Variants in FAM13C observed in about 807,000 individuals in gnomAD.
FAM13C encodes family with sequence similarity 13 member C.
In FAM13C, 37 loss-of-function variants were observed where a neutral mutation model predicts 73.2. The ratio of observed to expected loss-of-function variants is 0.51; its 90% CI spans 0.39 to 0.67. FAM13C has a LOEUF of 0.67. Ranked by LOEUF, FAM13C falls within the 30% of genes least tolerant of loss-of-function variation. The pLI is 0.00. For synonymous variants in FAM13C, 246 were observed against 260.9 expected (o/e 0.94, Z 0.55); for missense variants, 589 against 715.6 (o/e 0.82, Z 2.02).
At chr10:59,273,689 A>C (rs1843981702) in intron 6 of FAM13C, among the ~76,000 whole-genome samples, 1 of 152,108 alleles carries the variant, frequency 6.6e-6, no homozygotes, top group Non-Finnish European at 1.5e-5. Flanking sequence ...GACATAGAGG[A>C]TGCCACATCT....
intron 6 of FAM13C, among the ~76,000 whole-genome samples, chr10:59,280,901 T>C (rs1180618565): frequency 6.6e-6 from 1 of 152,226 alleles, no homozygotes; most frequent in Non-Finnish European, 1.5e-5. Flanking sequence ...TTTGAATGTT[T>C]GCTATTTATG....
chr10:59,322,159 C>T (rs1850393032), intron 4 of FAM13C, among the ~76,000 whole-genome samples: 1 of 152,156 alleles, frequency 6.6e-6, no homozygotes, highest in African/African-American at 2.4e-5. Flanking sequence ...GATCTCATTT[C>T]ACTAGTTCAT....
At chr10:59,290,554 C>A (rs138123741) in intron 5 of FAM13C, among the ~76,000 whole-genome samples, 1 of 152,328 alleles carries the variant, frequency 6.6e-6, no homozygotes, top group East Asian at 1.9e-4. Flanking sequence ...TCTCTGCCCC[C>A]TCCTCCTCAG....
At chr10:59,322,068 CT>C (rs1850381696) in intron 4 of FAM13C, among the ~76,000 whole-genome samples, 1 of 152,132 alleles carries the variant, frequency 6.6e-6, no homozygotes, top group African/African-American at 2.4e-5. Flanking sequence ...ATGTCCAAAC[CT>C]GGCCAGACGC....
At chr10:59,287,901 A>C (rs1217091496) in intron 5 of FAM13C, among the ~76,000 whole-genome samples, 1 of 152,170 alleles carries the variant, frequency 6.6e-6, no homozygotes, top group Non-Finnish European at 1.5e-5. Context: ...TTGACTCATC[A>C]CTTTACCCCC....
chr10:59,345,457 C>A (rs1854180665), intron 3 of FAM13C, among the ~76,000 whole-genome samples: 2 of 152,190 alleles, frequency 1.3e-5, no homozygotes, highest in Admixed American at 6.5e-5. Context: ...TTTTAAGATT[C>A]CTTCATGTCA....
intron 4 of FAM13C, among the ~76,000 whole-genome samples, chr10:59,322,931 T>C (rs1435616556): frequency 6.6e-6 from 1 of 152,186 alleles, no homozygotes; most frequent in Non-Finnish European, 1.5e-5. Context: ...GAAGTCAGCT[T>C]GTGAAGAGGG....
chr10:59,256,231 A>G (rs1219030391), intron 10 of FAM13C, among the ~76,000 whole-genome samples: 1 of 152,242 alleles, frequency 6.6e-6, no homozygotes, highest in Non-Finnish European at 1.5e-5. Context: ...TTCAGAAAAC[A>G]TTGAAATAGT....
At chr10:59,353,571 A>G (rs1042736728) in intron 2 of FAM13C, among the ~76,000 whole-genome samples, 1 of 152,176 alleles carries the variant, frequency 6.6e-6, no homozygotes, top group Non-Finnish European at 1.5e-5. Context: ...AAAGCCAAGA[A>G]GCAAGACCAG....
chr10:59,304,506 G>A (rs987417497), intron 4 of FAM13C, among the ~76,000 whole-genome samples: 13 of 151,880 alleles, frequency 8.6e-5, no homozygotes, highest in Non-Finnish European at 1.5e-4. Context: ...ACCAAATACC[G>A]CATATTTTCA....
At chr10:59,331,133 A>G (rs981447719) in intron 3 of FAM13C, among the ~76,000 whole-genome samples, 4 of 152,178 alleles carry the variant, frequency 2.6e-5, no homozygotes, top group African/African-American at 2.4e-5. Flanking sequence ...AGCAGTGGCA[A>G]TGGTGGTGGG....
intron 5 of FAM13C, chr10:59,301,248 C>T (rs911215074): frequency 6.6e-6 from 1 of 152,082 alleles, no homozygotes; most frequent in Non-Finnish European, 1.5e-5. Flanking sequence ...AGTTCACCCC[C>T]TGATGGAAAA....
intron 4 of FAM13C, among the ~76,000 whole-genome samples, chr10:59,310,573 A>C (rs1049028354): frequency 6.6e-6 from 1 of 152,206 alleles, no homozygotes; most frequent in Non-Finnish European, 1.5e-5. Flanking sequence ...AAGACTAAAA[A>C]AAAACCAAGC....
chr10:59,354,330 CA>C (rs1330258041), intron 2 of FAM13C, among the ~76,000 whole-genome samples: 1 of 152,086 alleles, frequency 6.6e-6, no homozygotes, highest in Non-Finnish European at 1.5e-5. Flanking sequence ...AACCTGGTTA[CA>C]AAAGTCATAT....
At chr10:59,273,166 G>C (rs1843917600) in intron 6 of FAM13C, among the ~76,000 whole-genome samples, 1 of 152,218 alleles carries the variant, frequency 6.6e-6, no homozygotes, top group South Asian at 2.1e-4. Flanking sequence ...AAGAATTCAT[G>C]AATTTGATGT....
intron 3 of FAM13C, among the ~76,000 whole-genome samples, chr10:59,346,251 G>A (rs533080902): frequency 1.6e-4 from 24 of 152,228 alleles, no homozygotes; most frequent in Non-Finnish European, 3.5e-4. Flanking sequence ...TTAATTCAGA[G>A]TGTAATACAG....
chr10:59,333,362 C>A (rs1852271251), intron 3 of FAM13C, among the ~76,000 whole-genome samples: 1 of 152,070 alleles, frequency 6.6e-6, no homozygotes, highest in Non-Finnish European at 1.5e-5. Context: ...GTGGCACATG[C>A]CAGTAGTCCC....
At chr10:59,310,326 G>A (rs190708734) in intron 4 of FAM13C, among the ~76,000 whole-genome samples, 276 of 152,270 alleles carry the variant, frequency 1.8e-3, no homozygotes, top group Non-Finnish European at 3.0e-3. Flanking sequence ...TATATCCCAA[G>A]AGGACAACCC....
chr10:59,355,896 G>A lies in FAM13C; in HGVS notation c.110C>T (p.Ser37Phe). 1.2e-6 allele frequency: 2 copies of A among 1,613,884 alleles called. No homozygotes were observed. Among genetic ancestry groups the A allele is most frequent in the Non-Finnish European group, 1.7e-6 (2 of 1,179,838 alleles). The change falls in exon 2 of 14, where the codon TCC becomes TTC. Residue 37 changes from serine to phenylalanine, a missense_variant. Physicochemically the swap from Ser to Phe is radical, Grantham distance 155. Transcript: ENST00000618804. The stretch of plus-strand genomic sequence containing the variant: ...CAATGGTGGCTTTTACCTGAGACTG[G>A]AGCAATCAGTCTGGTCTTCATGTAG... The part of the protein sequence containing the change: ...VSLHEDQTDC[S>F]SLRDENNKEN...
Sources: gnomAD v4.1 joint callset for allele counts (sites outside exome capture counted in the v4.1 genomes callset) on GRCh38, gnomAD v4.1.1 for gene constraint, MANE v1.5 for transcripts, NCBI Gene and HGNC (gene_info 2026-07-23, HGNC 2026-07-21) for gene names.